The following GRM5 variants were observed in gnomAD, a reference collection of about 807,000 sequenced individuals.
The protein encoded by GRM5 is glutamate metabotropic receptor 5.
Under a neutral mutation model 83.1 loss-of-function variants are expected in GRM5, and 19 were observed. The observed-to-expected ratio is 0.23, with a 90% confidence interval of 0.16 to 0.34. GRM5 has a LOEUF of 0.34. GRM5 is among the 10% of genes least tolerant of loss of function. GRM5 has a pLI of 1.00. For missense variants in GRM5, 1,160 were observed against 1,588.3 expected, an observed-to-expected ratio of 0.73 and a Z score of 4.58; for synonymous variants, 675 against 633.6, an observed-to-expected ratio of 1.07 and a Z score of -0.98.
At chr11:88,993,625 A>G (rs986236856) in intron 2 of GRM5, among the ~76,000 whole-genome samples, 3 of 152,150 alleles carry the variant, frequency 2.0e-5, no homozygotes, top group Non-Finnish European at 4.4e-5. Context: ...AGGTAATGTA[A>G]TATTATATAT....
chr11:88,978,998 C>T (rs747194954), intron 2 of GRM5, among the ~76,000 whole-genome samples: 4 of 152,140 alleles, frequency 2.6e-5, no homozygotes, highest in Non-Finnish European at 4.4e-5. Context: ...CATACACCTC[C>T]TACCGTCTTT....
At chr11:88,630,590 CAT>C (rs1257148349) in intron 4 of GRM5, among the ~76,000 whole-genome samples, 34 of 129,394 alleles carry the variant, frequency 2.6e-4, no homozygotes, top group African/African-American at 7.9e-4. Flanking sequence ...CACACACACA[CAT>C]ATTATGATGG....
chr11:88,912,143 T>C (rs1463947181), intron 2 of GRM5: 2 of 248,966 alleles, frequency 8.0e-6, no homozygotes, highest in Admixed American at 5.3e-5. Flanking sequence ...AAAATTGAGA[T>C]TGTGAAGCAG....
rs189998623 is a variant in GRM5, at chr11:88,924,436, T to G, written c.662-74281A>C. 3.3e-5 allele frequency among the ~76,000 whole-genome samples: 5 copies of G among 152,208 alleles called. No homozygotes were observed. The East Asian group carries it at 7.7e-4, about 24-fold the overall frequency. Reference sequence around the variant, plus strand: ...CCATCAGTGGATAAATAAATTGTTATTTTATATATACATACAAATGAATAC... The same window carrying G: ...CCATCAGTGGATAAATAAATTGTTAGTTTATATATACATACAAATGAATAC... On this transcript the variant is annotated intron_variant, in intron 2 of 9. Transcript: ENST00000305447.
chr11:88,639,378 G>T (rs1028253681), intron 4 of GRM5, among the ~76,000 whole-genome samples: 3 of 152,004 alleles, frequency 2.0e-5, no homozygotes, highest in African/African-American at 2.4e-5. Context: ...CTTTAGAAGG[G>T]TCACATCTTT....
chr11:88,962,470 A>G (rs1423852777), intron 2 of GRM5, among the ~76,000 whole-genome samples: 1 of 152,160 alleles, frequency 6.6e-6, no homozygotes, highest in Non-Finnish European at 1.5e-5. Flanking sequence ...TCATCCATTT[A>G]TTCCCTAACA....
intron 3 of GRM5, among the ~76,000 whole-genome samples, chr11:88,808,496 C>A (rs1943535976): frequency 6.6e-6 from 1 of 151,912 alleles, no homozygotes; most frequent in African/African-American, 2.4e-5. Context: ...CAGAGAATGG[C>A]ATGGATCTTT....
chr11:88,536,273 G>A (rs967338703), intron 8 of GRM5, among the ~76,000 whole-genome samples: 1 of 151,910 alleles, frequency 6.6e-6, no homozygotes, highest in African/African-American at 2.4e-5. Context: ...ATAAGAAGGT[G>A]TCACACACAC....
intron 2 of GRM5, among the ~76,000 whole-genome samples, chr11:88,987,152 G>A (rs1216687623): frequency 2.0e-5 from 3 of 152,116 alleles, no homozygotes; most frequent in South Asian, 2.1e-4. Context: ...GTGGGTGCGC[G>A]CACCGTGCAC....
rs1191872301 is a variant in GRM5 at position 88,687,529 on chromosome 11, CATAT to C, written c.912-34130_912-34127del. 1.3e-3 allele frequency among the ~76,000 whole-genome samples: 28 copies of C among 22,256 alleles called. 1 individual carries two copies. Among genetic ancestry groups the C allele is most frequent in the African/African-American group, 2.6e-3 (26 of 10,106 alleles). 14.6% of individuals were successfully genotyped at this position (22,256 alleles called of 152,430 possible). On this transcript the variant is annotated intron_variant, in intron 3 of 9. Transcript: ENST00000305447. ...ACACACACACACACACACACACATACATATATATACACACACACACACACATATA... is the reference window on the plus strand; with the variant it reads ...ACACACACACACACACACACACATACATATACACACACACACACACATATA...
At position 88,593,825 on chromosome 11, in the gene GRM5, ACT is replaced by A. The variant is rs1270317132; in HGVS notation, c.1564-3100_1564-3099del. On this transcript the variant is annotated intron_variant, in intron 6 of 9. Transcript: ENST00000305447. Reference sequence around the variant, plus strand: ...CTTTCTTTCTTTTTGACGTAGTCTCACTCTGTCGCCCAGGCTGGAGTGCAGTG... The same window carrying A: ...CTTTCTTTCTTTTTGACGTAGTCTCACTGTCGCCCAGGCTGGAGTGCAGTG... 2.8e-4 allele frequency among the ~76,000 whole-genome samples: 32 copies of A among 115,756 alleles called. No homozygotes were observed. In the Admixed American group the frequency reaches 3.3e-3, roughly 12 times the overall value. 75.9% of individuals were successfully genotyped at this position (115,756 alleles called of 152,430 possible).
chr11:88,844,726 C>A (rs1260925988), intron 3 of GRM5, among the ~76,000 whole-genome samples: 3 of 152,148 alleles, frequency 2.0e-5, no homozygotes. Context: ...AAAATATCAG[C>A]AACAGGAGTT....
intron 7 of GRM5, among the ~76,000 whole-genome samples, chr11:88,570,571 ATTTTTTTTT>A (rs1194098388): frequency 0.012 from 558 of 46,350 alleles, 16 homozygotes; most frequent in African/African-American, 0.07. Flanking sequence ...ATATATATAT[ATTTTTTTTT>A]TTTTTTTTTT....
At chr11:88,938,142 T>C (rs1937962244) in intron 2 of GRM5, among the ~76,000 whole-genome samples, 1 of 151,746 alleles carries the variant, frequency 6.6e-6, no homozygotes, top group Non-Finnish European at 1.5e-5. Context: ...TATATCAATA[T>C]ATCAAAACAT....
chr11:88,669,380 A>G (rs986864495), intron 3 of GRM5, among the ~76,000 whole-genome samples: 1 of 152,122 alleles, frequency 6.6e-6, no homozygotes, highest in African/African-American at 2.4e-5. Flanking sequence ...CAACAGTAAA[A>G]TGTTGAAATA....
At chr11:88,798,610 A>C (rs1459971442) in intron 3 of GRM5, among the ~76,000 whole-genome samples, 1 of 152,066 alleles carries the variant, frequency 6.6e-6, no homozygotes, top group Non-Finnish European at 1.5e-5. Flanking sequence ...AGGTTTAACG[A>C]TATTGGTCTG....
At chr11:88,780,447 C>T (rs964911962) in intron 3 of GRM5, among the ~76,000 whole-genome samples, 12 of 152,086 alleles carry the variant, frequency 7.9e-5, no homozygotes, top group African/African-American at 2.9e-4. Context: ...ATCAAGCTGC[C>T]GTTACGTTTT....
intron 3 of GRM5, among the ~76,000 whole-genome samples, chr11:88,668,548 C>A (rs543150587): frequency 6.6e-6 from 1 of 151,852 alleles, no homozygotes; most frequent in Non-Finnish European, 1.5e-5. Flanking sequence ...AATGAAAAAT[C>A]TCAAATAACA....
chr11:88,843,377 C>T (rs11021566), intron 3 of GRM5, among the ~76,000 whole-genome samples: 61,996 of 151,436 alleles, frequency 0.41, 12,786 homozygotes, highest in East Asian at 0.49. Context: ...GGGTAATAAA[C>T]GTATCCGTCA....
Sources: allele counts gnomAD v4.1 joint callset (sites outside exome capture counted in the v4.1 genomes callset), GRCh38; gene constraint gnomAD v4.1.1; transcripts MANE v1.5; gene names NCBI Gene and HGNC (gene_info 2026-07-23, HGNC 2026-07-21).